The following SNTG1 variants were observed in gnomAD, a reference collection of about 807,000 sequenced individuals.
The protein encoded by SNTG1 is gamma-1-syntrophin.
Under a neutral mutation model 74.7 loss-of-function variants are expected in SNTG1, and 39 were observed. The ratio of observed to expected loss-of-function variants is 0.52; its 90% CI spans 0.40 to 0.68. The LOEUF is 0.68. Ranked by LOEUF, SNTG1 falls within the 30% of genes least tolerant of loss-of-function variation. The pLI is 0.00. For missense variants in SNTG1, 685 were observed against 609.5 expected (o/e 1.12, Z -1.30); for synonymous variants, 254 against 217.1 (o/e 1.17, Z -1.49).
chr8:50,137,809 C>T (rs927572294), intron 1 of SNTG1, among the ~76,000 whole-genome samples: 10 of 152,174 alleles, frequency 6.6e-5, no homozygotes, highest in Middle Eastern at 6.8e-3. Context: ...TGAGGATGGA[C>T]GAGCTGAGCT....
intron 15 of SNTG1, 149 bp from the exon 16 acceptor site, chr8:50,704,451 T>A: frequency 1.1e-6 from 1 of 924,570 alleles, no homozygotes; most frequent in Non-Finnish European, 1.7e-6. Context: ...AAGCCCGGAG[T>A]TCTGGTATAA....
At chr8:50,651,976 C>T (rs1351221464) in intron 13 of SNTG1, among the ~76,000 whole-genome samples, 17 of 151,938 alleles carry the variant, frequency 1.1e-4, no homozygotes, top group Admixed American at 9.8e-4. Context: ...TCTCGAACCC[C>T]CGACCTCAGG....
At chr8:50,291,414 G>T (rs1295820325) in intron 2 of SNTG1, among the ~76,000 whole-genome samples, 1 of 152,026 alleles carries the variant, frequency 6.6e-6, no homozygotes, top group African/African-American at 2.4e-5. Flanking sequence ...GAATCAAGTG[G>T]GGTAACTATT....
chr8:50,544,646 A>G lies in SNTG1; in HGVS notation c.680+7838A>G, dbSNP rs569359595. On this transcript the variant is annotated intron_variant, in intron 11 of 18. Transcript: ENST00000642720. ...TTTTCATTTTTATGGCATTCAGCAC[A>G]TCAACAGCTTCATCAGCTGAATTAA... Among the ~76,000 whole-genome samples, 234 of 152,246 alleles carry G rather than the reference A, an allele frequency of 1.5e-3. 1 individual carries two copies. The highest frequency in any genetic ancestry group is 5.4e-3 in the African/African-American group (223 of 41,584).
chr8:50,570,685 G>C (rs2094544411), intron 12 of SNTG1, among the ~76,000 whole-genome samples: 2 of 151,076 alleles, frequency 1.3e-5, no homozygotes, highest in South Asian at 4.2e-4. Flanking sequence ...GATCACTGCA[G>C]CCTCTCCCTC....
At chr8:50,694,834 T>C (rs2095397797) in intron 15 of SNTG1, among the ~76,000 whole-genome samples, 1 of 151,640 alleles carries the variant, frequency 6.6e-6, no homozygotes, top group Admixed American at 6.6e-5. Context: ...AAATATCATA[T>C]AATTATTTTA....
chr8:50,669,028 A>T (rs2095264808), intron 15 of SNTG1, among the ~76,000 whole-genome samples: 1 of 152,092 alleles, frequency 6.6e-6, no homozygotes, highest in Non-Finnish European at 1.5e-5. Flanking sequence ...TCTGGGACAC[A>T]TTCAAAGCAG....
intron 1 of SNTG1, among the ~76,000 whole-genome samples, chr8:49,987,257 G>A (rs1299592274): frequency 6.6e-6 from 1 of 152,060 alleles, no homozygotes; most frequent in Non-Finnish European, 1.5e-5. Flanking sequence ...GAAAAATTAA[G>A]AGTATAAATA....
chr8:50,773,551 A>G (rs925411871), intron 18 of SNTG1, among the ~76,000 whole-genome samples: 1 of 152,162 alleles, frequency 6.6e-6, no homozygotes, highest in Admixed American at 6.6e-5. Context: ...GATGACCAAG[A>G]AGCTAAATAG....
chr8:50,394,187 G>A (rs369394777), intron 2 of SNTG1, 25 bp from the exon 3 acceptor site: 126 of 1,601,172 alleles, frequency 7.9e-5, no homozygotes, highest in Admixed American at 3.4e-4. Flanking sequence ...GTGCCTAATG[G>A]CTTACCATTT....
At chr8:50,770,539 C>T (rs1463656384) in intron 18 of SNTG1, among the ~76,000 whole-genome samples, 2 of 152,006 alleles carry the variant, frequency 1.3e-5, no homozygotes, top group African/African-American at 2.4e-5. Context: ...CTTGCAGATT[C>T]TAAAAAAGCA....
intron 1 of SNTG1, among the ~76,000 whole-genome samples, chr8:50,162,476 G>C (rs1010912880): frequency 1.3e-4 from 20 of 150,660 alleles, no homozygotes; most frequent in Admixed American, 1.3e-3. Context: ...GCAGGAGAAC[G>C]GCATGAACCC....
chr8:49,926,181 C>T (rs1421929412), intron 1 of SNTG1, among the ~76,000 whole-genome samples: 5 of 152,050 alleles, frequency 3.3e-5, no homozygotes, highest in African/African-American at 1.2e-4. Flanking sequence ...AATAAACTTC[C>T]CACACAAGTA....
intron 8 of SNTG1, chr8:50,491,173 C>T (rs910724183): frequency 1.3e-5 from 2 of 152,506 alleles, no homozygotes; most frequent in Admixed American, 1.3e-4. Flanking sequence ...CCCAAGCTCC[C>T]CAGAGTTTAC....
At chr8:50,163,111 C>A (rs1310162555) in intron 1 of SNTG1, among the ~76,000 whole-genome samples, 1 of 152,110 alleles carries the variant, frequency 6.6e-6, no homozygotes, top group African/African-American at 2.4e-5. Flanking sequence ...AGAAGAGAGG[C>A]CTCTCCCTTC....
chr8:50,707,094 GT>G (rs2095445821), intron 16 of SNTG1, among the ~76,000 whole-genome samples: 1 of 151,886 alleles, frequency 6.6e-6, no homozygotes, highest in South Asian at 2.1e-4. Flanking sequence ...ACTTGAGTCT[GT>G]ATATAAATTG....
intron 1 of SNTG1, among the ~76,000 whole-genome samples, chr8:49,915,537 A>C (rs1805952716): frequency 6.6e-6 from 1 of 152,192 alleles, no homozygotes. Context: ...ATATTTTATT[A>C]CTCAGAACTG....
At chr8:50,783,985 T>C (rs1208947936) in intron 18 of SNTG1, among the ~76,000 whole-genome samples, 2 of 152,220 alleles carry the variant, frequency 1.3e-5, no homozygotes, top group Non-Finnish European at 2.9e-5. Context: ...GATATAGCTT[T>C]ATCAAAGTAA....
chr8:50,168,034 T>C (rs954886888), intron 1 of SNTG1, among the ~76,000 whole-genome samples: 1 of 152,120 alleles, frequency 6.6e-6, no homozygotes, highest in African/African-American at 2.4e-5. Flanking sequence ...GTTATGTGGC[T>C]ACTTCTTGTG....
Sources: gnomAD v4.1 joint callset for allele counts (sites outside exome capture counted in the v4.1 genomes callset) on GRCh38, gnomAD v4.1.1 for gene constraint, MANE v1.5 for transcripts, NCBI Gene and HGNC (gene_info 2026-07-23, HGNC 2026-07-21) for gene names.